The following SEL1L variants were observed in gnomAD, a reference collection of about 807,000 sequenced individuals.
SEL1L encodes the protein SEL1L adaptor subunit of SYVN1 ubiquitin ligase, also known as protein sel-1 homolog 1.
In SEL1L, 52 loss-of-function variants were observed where a neutral mutation model predicts 109.8. The ratio of observed to expected loss-of-function variants is 0.47; its 90% CI spans 0.38 to 0.60. The LOEUF (loss-of-function observed/expected upper bound fraction) is 0.60. SEL1L is among the 20% of genes least tolerant of loss of function. SEL1L has a pLI of 0.00. For missense variants in SEL1L, 749 were observed against 962.2 expected (o/e 0.78, Z 2.93); for synonymous variants, 373 against 339.6 (o/e 1.10, Z -1.08).
At chr14:81,490,542 T>C in intron 12 of SEL1L, 77 bp from the exon 13 acceptor site, 1 of 1,118,112 alleles carries the variant, frequency 8.9e-7, no homozygotes. Context: ...TCATCTCCTT[T>C]GAGTTTTGTC....
At chr14:81,508,054 C>T (rs1350290547) in intron 3 of SEL1L, among the ~76,000 whole-genome samples, 1 of 152,162 alleles carries the variant, frequency 6.6e-6, no homozygotes, top group Admixed American at 6.5e-5. Flanking sequence ...ATTATGGTGC[C>T]TATCACTTTA....
chr14:81,505,687 A>G (rs1884213186), intron 4 of SEL1L, among the ~76,000 whole-genome samples: 1 of 152,190 alleles, frequency 6.6e-6, no homozygotes, highest in Non-Finnish European at 1.5e-5. Flanking sequence ...TTGGTATAGC[A>G]TATTTCACCT....
intron 6 of SEL1L, among the ~76,000 whole-genome samples, chr14:81,502,352 T>C (rs1275067816): frequency 6.6e-6 from 1 of 152,184 alleles, no homozygotes; most frequent in Non-Finnish European, 1.5e-5. Flanking sequence ...GCTTCTGTAA[T>C]AAAATACTTT....
chr14:81,505,930 A>G (rs1165005506), intron 4 of SEL1L, 144 bp downstream of exon 4: 2 of 678,420 alleles, frequency 2.9e-6, no homozygotes, highest in Non-Finnish European at 4.7e-6. Context: ...CCCACTCTTA[A>G]GTCCACTCTT....
chr14:81,499,279 T>G, intron 8 of SEL1L, 180 bp downstream of exon 8: 1 of 1,266,270 alleles, frequency 7.9e-7, no homozygotes, highest in Non-Finnish European at 1.0e-6. Flanking sequence ...CCACCAACTT[T>G]CATTTACATG....
intron 20 of SEL1L, among the ~76,000 whole-genome samples, chr14:81,478,247 C>A (rs1422346428): frequency 6.6e-6 from 1 of 151,986 alleles, no homozygotes; most frequent in Non-Finnish European, 1.5e-5. Context: ...TGACAAGAAA[C>A]CACTAATTGT....
In SEL1L at chr14:81,485,869, TA is replaced by T. The variant is rs939752701; in HGVS notation, c.1799-124del. On this transcript the variant is annotated intron_variant, in intron 17 of 20. Coordinates refer to ENST00000336735, the MANE Select transcript of SEL1L (RefSeq NM_005065.6). ...TAAACAAGAATTAGGATATAAAAAT[TA>T]AAACAAATACTGAAATTAATTACTG... The T allele has an allele frequency of 1.7e-5, 13 of 767,986 alleles. No homozygotes were observed. The African/African-American group carries it at 2.1e-4, about 13-fold the overall frequency. The allele number at this position is 767,986 out of a possible 1,614,324, so 47.6% of individuals were successfully genotyped here. A position where few individuals can be genotyped will look rare whatever the true frequency, so the allele number is the denominator to read the frequency against.
intron 20 of SEL1L, among the ~76,000 whole-genome samples, chr14:81,477,868 G>A (rs144548567): frequency 7.2e-5 from 11 of 152,250 alleles, no homozygotes; most frequent in Non-Finnish European, 1.5e-4. Flanking sequence ...TAGTATCTTG[G>A]CACAGCGAAC....
At chr14:81,513,755 C>T in intron 3 of SEL1L, among the ~76,000 whole-genome samples, 1 of 152,164 alleles carries the variant, frequency 6.6e-6, no homozygotes, top group Non-Finnish European at 1.5e-5. Flanking sequence ...GCTCTCTAAC[C>T]ACCCCCAACT....
intron 1 of SEL1L, among the ~76,000 whole-genome samples, chr14:81,532,671 G>A (rs967553589): frequency 4.6e-5 from 7 of 152,090 alleles, no homozygotes; most frequent in African/African-American, 1.7e-4. Flanking sequence ...TTACAACTAG[G>A]ACAGGTAATT....
At chr14:81,478,290 T>C (rs1903232454) in intron 20 of SEL1L, among the ~76,000 whole-genome samples, 1 of 152,204 alleles carries the variant, frequency 6.6e-6, no homozygotes, top group Admixed American at 6.5e-5. Flanking sequence ...ATGGGAGATT[T>C]GTGTTCTTCT....
chr14:81,514,313 G>A (rs1884608226), intron 3 of SEL1L, among the ~76,000 whole-genome samples: 1 of 152,178 alleles, frequency 6.6e-6, no homozygotes, highest in Admixed American at 6.5e-5. Flanking sequence ...AGGACAAAAG[G>A]CATCACTCTT....
chr14:81,518,934 C>T (rs1884809444), intron 3 of SEL1L, among the ~76,000 whole-genome samples: 1 of 152,268 alleles, frequency 6.6e-6, no homozygotes, highest in African/African-American at 2.4e-5. Flanking sequence ...ATAAACTTCT[C>T]TCTTTGAGAA....
chr14:81,532,697 C>G (rs1885376817), intron 1 of SEL1L, among the ~76,000 whole-genome samples: 1 of 151,970 alleles, frequency 6.6e-6, no homozygotes, highest in Admixed American at 6.6e-5. Flanking sequence ...ATTCAGATAA[C>G]CATCTGGGAA....
At chr14:81,525,102 C>T (rs991768080) in intron 3 of SEL1L, among the ~76,000 whole-genome samples, 2 of 151,866 alleles carry the variant, frequency 1.3e-5, no homozygotes, top group East Asian at 1.9e-4. Flanking sequence ...AAAGCACATG[C>T]GGAATTTGCC....
chr14:81,479,469 G>T, intron 20 of SEL1L, 143 bp downstream of exon 20: 1 of 683,824 alleles, frequency 1.5e-6, no homozygotes, highest in East Asian at 3.1e-5. Context: ...TAAGGTCCTC[G>T]GGTACCTGAG....
rs760790765 is a variant in SEL1L at position 81,526,921 on chromosome 14, G to A, written c.152C>T (p.Ala51Val). 4.4e-6 allele frequency: 7 copies of A among 1,604,042 alleles called. No individual in the cohort carries two copies. Among genetic ancestry groups the A allele is most frequent in the African/African-American group, 1.3e-5 (1 of 74,256 alleles). ...TATTTGACCAGCAACTACTCTGCCT[G>A]CAGTAGTATGGTCCTTTACTGACTC... ...SDESVKDHTTAGRVVAGQIFL... is the reference protein window; with the variant it reads ...SDESVKDHTTVGRVVAGQIFL... Residue 51 changes from alanine (A) to valine (V), a missense_variant, in exon 3 of 21, where the codon GCA (alanine) becomes GTA (valine). Ala to Val is a moderately conservative substitution (Grantham distance 64). This residue lies in a region of SEL1L where 366 missense variants were observed against 399.8 expected (regional missense o/e 0.92). Transcript: ENST00000336735.
At chr14:81,521,078 T>A (rs935929537) in intron 3 of SEL1L, among the ~76,000 whole-genome samples, 2 of 152,218 alleles carry the variant, frequency 1.3e-5, no homozygotes, top group African/African-American at 4.8e-5. Flanking sequence ...TAGGTTAGGA[T>A]CTCTGATTCT....
rs750976349 is a variant in SEL1L, at chr14:81,487,910, T to A, written c.1428A>T (p.Lys476Asn). 4 of 1,614,016 alleles carry A rather than the reference T, an allele frequency of 2.5e-6. No individual in the cohort carries two copies. The highest frequency in any genetic ancestry group is 3.4e-6 in the Non-Finnish European group (4 of 1,179,950). ...NYDLALKYFQ[K>N]AAEQGWVDGQ... ...CATCCACCCAGCCTTGTTCAGCAGC[T>A]TTCTGGAAATACTTAAGGGCTAGAT... Residue 476 changes from lysine (K) to asparagine (N), a missense_variant, in exon 15 of 21, where the codon AAA becomes AAT. Lys to Asn is a moderately conservative substitution (Grantham distance 94, BLOSUM62 0). Around this residue, in one of 2 missense-constraint regions of SEL1L, gnomAD observed 383 missense variants for 562.5 expected, o/e 0.68. Coordinates refer to ENST00000336735, the MANE Select transcript of SEL1L (RefSeq NM_005065.6).
Sources: allele counts gnomAD v4.1 joint callset (sites outside exome capture counted in the v4.1 genomes callset), GRCh38; gene constraint gnomAD v4.1.1; regional missense constraint gnomAD v4.1.1; transcripts MANE v1.5; gene names NCBI Gene and HGNC (gene_info 2026-07-23, HGNC 2026-07-21).